The following CCDC116 variants were observed in gnomAD, a reference collection of about 807,000 sequenced individuals.
CCDC116 encodes the protein coiled-coil domain-containing protein 116.
CCDC116 carries 24 observed loss-of-function variants against 29.4 expected under a neutral mutation model. The observed-to-expected ratio is 0.82, with a 90% confidence interval of 0.59 to 1.15. The LOEUF (loss-of-function observed/expected upper bound fraction) is 1.15, where lower values mean the gene tolerates loss of function less well. Among genes scored for constraint, CCDC116 ranks in the 50% most tolerant of loss-of-function variants. The probability of loss-of-function intolerance (pLI) is 0.00; values close to 1 mark genes in which losing one functional copy is unlikely to be tolerated. For missense variants in CCDC116, 791 were observed against 804.0 expected (o/e 0.98, Z 0.20); for synonymous variants, 298 against 331.4 (o/e 0.90, Z 1.10).
In CCDC116 at chr22:21,634,853, G is replaced by A. The variant is rs35113423; in HGVS notation, c.790G>A (p.Glu264Lys). The change falls in exon 4 of 5, where the codon GAG becomes AAG. Residue 264 changes from glutamate (E) to lysine (K), a missense_variant. Transcript: ENST00000292779. ...EASEPRPGEQEPIFRKREFNK... is the reference protein window; with the variant it reads ...EASEPRPGEQKPIFRKREFNK... Reference sequence around the variant, plus strand: ...ATCAGAGCCGAGGCCTGGAGAACAGGAGCCAATCTTCCGCAAGCGAGAGTT... The same window carrying A: ...ATCAGAGCCGAGGCCTGGAGAACAGAAGCCAATCTTCCGCAAGCGAGAGTT... The A allele has an allele frequency of 0.027, 43,383 of 1,613,988 alleles. 1,224 individuals are homozygous for A. Among genetic ancestry groups the A allele is most frequent in the East Asian group, 0.097 (4,366 of 44,848 alleles).
Position 21,637,080 on chromosome 22 carries a change from G to C in CCDC116, c.*10G>C, listed in dbSNP as rs751835624. 1 of 1,593,750 alleles carries C rather than the reference G, an allele frequency of 6.3e-7. No homozygotes were observed. Among genetic ancestry groups the C allele is most frequent in the Non-Finnish European group, 8.6e-7 (1 of 1,168,488 alleles). On this transcript the variant is annotated 3_prime_UTR_variant, in exon 5 of 5. Transcript: ENST00000292779. ...TGAGGATGGAGTCTAGAGCCTCCCA[G>C]AGCCTGGAGAGGAGGCCTCGGTCAG...
rs1930723200 is a variant in CCDC116 at position 21,634,943 on chromosome 22, CT to C, written c.881del (p.Leu294ProfsTer8). The C allele has an allele frequency of 2.5e-6, 4 of 1,613,626 alleles. No homozygotes were observed. The highest frequency in any genetic ancestry group is 3.4e-6 in the Non-Finnish European group (4 of 1,180,040). On this transcript the variant is annotated frameshift_variant, in exon 4 of 5. Coordinates refer to ENST00000292779, the MANE Select transcript of CCDC116 (RefSeq NM_152612.3). LOFTEE classifies it high-confidence loss of function. ...ESLDLPGYCP[L>X]REPHRTLNFL... ...CCTCGACCTGCCTGGCTACTGTCCG[CT>C]CCGTGAGCCCCATCGCACGCTGAAC...
Position 21,633,202 on chromosome 22 carries a change from C to A in CCDC116, c.21C>A (p.His7Gln), listed in dbSNP as rs1282087177. MARCRH[H>Q]SGYLADDEAS... ...ACCACATGGCCAGGTGCCGCCACCA[C>A]TCGGGTTACCTGGCCGATGACGAGG... Residue 7 changes from histidine to glutamine, a missense_variant, in exon 2 of 5, where the codon CAC becomes CAA. Coordinates refer to ENST00000292779, the MANE Select transcript of CCDC116 (RefSeq NM_152612.3). 1.3e-6 allele frequency: 2 copies of A among 1,550,630 alleles called. No individual in the cohort carries two copies. Among genetic ancestry groups the A allele is most frequent in the Admixed American group, 3.9e-5 (2 of 51,004 alleles).
intron 4 of CCDC116, among the ~76,000 whole-genome samples, chr22:21,636,030 T>C (rs1245461351): frequency 6.6e-6 from 1 of 152,188 alleles, no homozygotes; most frequent in Non-Finnish European, 1.5e-5. Flanking sequence ...CTGGTGGGTC[T>C]CCAGCACGGT....
At position 21,635,278 on chromosome 22, in the gene CCDC116, G is replaced by A. The variant is rs779985488; in HGVS notation, c.1203+12G>A. On this transcript the variant is annotated intron_variant, in intron 4 of 4. Coordinates refer to ENST00000292779, the MANE Select transcript of CCDC116 (RefSeq NM_152612.3). The stretch of plus-strand genomic sequence containing the variant: ...GATTCAAACTCAAGGTGACACCCAC[G>A]GAGAAGCCCAATGTCCCCAGCCCCT... 28 of 1,592,178 alleles carry A rather than the reference G, an allele frequency of 1.8e-5. No individual in the cohort carries two copies. The highest frequency in any genetic ancestry group is 1.5e-4 in the South Asian group (14 of 90,520).
At chr22:21,633,387 C>T in intron 2 of CCDC116, 134 bp downstream of exon 2, 1 of 664,870 alleles carries the variant, frequency 1.5e-6, no homozygotes, top group Non-Finnish European at 2.5e-6. Context: ...TCCTTATTGC[C>T]TTGACTTCTC....
In CCDC116 at chr22:21,633,273, C is replaced by T. The variant is rs73382316; in HGVS notation, c.72+20C>T. ...GCACGGGTAAGTGTGCCCAGCAGGGCGCCGACCCTTGAGGCCACAACATGT... is the reference window on the plus strand; with the variant it reads ...GCACGGGTAAGTGTGCCCAGCAGGGTGCCGACCCTTGAGGCCACAACATGT... On this transcript the variant is annotated intron_variant, in intron 2 of 4. Coordinates refer to ENST00000292779, the MANE Select transcript of CCDC116 (RefSeq NM_152612.3). The T allele has an allele frequency of 6.2e-4, 950 of 1,532,496 alleles. 8 individuals carry two copies. The African/African-American group carries it at 0.011, about 18-fold the overall frequency. 94.9% of individuals were successfully genotyped at this position (1,532,496 alleles called of 1,614,324 possible).
intron 4 of CCDC116, 192 bp downstream of exon 4, chr22:21,635,458 C>T (rs1267453860): frequency 1.4e-6 from 1 of 708,142 alleles, no homozygotes; most frequent in South Asian, 1.5e-5. Context: ...GCAGCCAGGG[C>T]CACCTCAGGG....
rs1274155116 is a variant in CCDC116 at position 21,634,715 on chromosome 22, G to A, written c.652G>A (p.Asp218Asn). 1 of 1,610,534 alleles carries A rather than the reference G, an allele frequency of 6.2e-7. No homozygotes were observed. Among genetic ancestry groups the A allele is most frequent in the Admixed American group, 1.7e-5 (1 of 59,878 alleles). ...KGLSQSCSQR[D>N]SLLWDSLGSQ... ...CCTCAGTCAGTCCTGCTCCCAGAGG[G>A]ACTCCCTGCTGTGGGATTCGCTGGG... The change falls in exon 4 of 5, where the codon GAC (aspartate) becomes AAC (asparagine). Residue 218 changes from aspartate (D) to asparagine (N), a missense_variant. Asp to Asn is a conservative substitution (Grantham distance 23). Coordinates refer to ENST00000292779, the MANE Select transcript of CCDC116 (RefSeq NM_152612.3).
At position 21,637,190 on chromosome 22, in the gene CCDC116, A is replaced by G; in HGVS notation, c.*120A>G. On this transcript the variant is annotated 3_prime_UTR_variant, in exon 5 of 5. Transcript: ENST00000292779. ...CCCTGCTCTGTCAGAGTTGCTGCAC[A>G]TCACACCAGCCCCTGCCAAGAGCAG... 3 of 1,410,674 alleles carry G rather than the reference A, an allele frequency of 2.1e-6. No homozygotes were observed. Among genetic ancestry groups the G allele is most frequent in the Non-Finnish European group, 2.8e-6 (3 of 1,071,060 alleles). 87.4% of individuals were successfully genotyped at this position (1,410,674 alleles called of 1,614,324 possible). A position where few individuals can be genotyped will look rare whatever the true frequency, so the allele number is the denominator to read the frequency against.
chr22:21,634,363 A>G lies in CCDC116; in HGVS notation c.414A>G (p.Val138=), dbSNP rs1930687193. 1.2e-6 allele frequency: 2 copies of G among 1,613,280 alleles called. No homozygotes were observed. The highest frequency in any genetic ancestry group is 1.7e-4 in the Middle Eastern group (1 of 6,058). Residue 138 remains valine, a synonymous_variant, in exon 3 of 5, where the codon GTA becomes GTG. Coordinates refer to ENST00000292779, the MANE Select transcript of CCDC116 (RefSeq NM_152612.3). ...PSLSTVHRHR[V]RPTLCTGHPN... ...TCAGCACCGTACACCGGCACCGTGT[A>G]CGGCCGACCCTCTGCACTGGACACC...
intron 4 of CCDC116, 89 bp from the exon 5 acceptor site, chr22:21,636,343 G>C: frequency 8.0e-7 from 1 of 1,250,168 alleles, no homozygotes. Flanking sequence ...AGGGCTCTGA[G>C]GAGGGCACAG....
In CCDC116 at chr22:21,634,451, T is replaced by G. The variant is rs769375741; in HGVS notation, c.502T>G (p.Cys168Gly). 6.2e-6 allele frequency: 10 copies of G among 1,614,074 alleles called. No homozygotes were observed. The African/African-American group carries it at 9.3e-5, about 15-fold the overall frequency. The change falls in exon 3 of 5, where the codon TGT (cysteine) becomes GGT (glycine). Residue 168 changes from cysteine to glycine, a missense_variant. Physicochemically the swap from Cys to Gly is radical, Grantham distance 159. Transcript: ENST00000292779. ...CTGCCATAGCAGCCTCATGGCCGGCTGTCTGGGCTCCCACAGCCGGGACAG... is the reference window on the plus strand; with the variant it reads ...CTGCCATAGCAGCCTCATGGCCGGCGGTCTGGGCTCCCACAGCCGGGACAG... The part of the protein sequence containing the change: ...SNCHSSLMAG[C>G]LGSHSRDSDL...
At position 21,634,279 on chromosome 22, in the gene CCDC116, G is replaced by T. The variant is rs1930679820; in HGVS notation, c.330G>T (p.Glu110Asp). The change falls in exon 3 of 5, where the codon GAG becomes GAT. Residue 110 changes from glutamate (E) to aspartate (D), a missense_variant. Transcript: ENST00000292779. The part of the protein sequence containing the change: ...MKTEAGVPLV[E>D]VQDPVEVPSG... Reference sequence around the variant, plus strand: ...CGGAGGCTGGGGTGCCGCTTGTGGAGGTGCAGGACCCAGTGGAGGTGCCAA... The same window carrying T: ...CGGAGGCTGGGGTGCCGCTTGTGGATGTGCAGGACCCAGTGGAGGTGCCAA... The T allele has an allele frequency of 1.9e-6, 3 of 1,613,806 alleles. No individual in the cohort carries two copies. Among genetic ancestry groups the T allele is most frequent in the East Asian group, 2.2e-5 (1 of 44,884 alleles).
At chr22:21,633,052 G>T (rs775709983) in intron 1 of CCDC116, 68 bp from the exon 2 acceptor site, 4 of 770,210 alleles carry the variant, frequency 5.2e-6, no homozygotes, top group African/African-American at 3.4e-5. Flanking sequence ...CGAGGGACCC[G>T]CAGACTCCAG....
At position 21,635,894 on chromosome 22, in the gene CCDC116, G is replaced by C. The variant is rs529825549; in HGVS notation, c.1204-538G>C. 70 of 467,656 alleles carry C rather than the reference G, an allele frequency of 1.5e-4. No homozygotes were observed. The Admixed American group carries it at 1.8e-3, about 12-fold the overall frequency. 29.0% of individuals were successfully genotyped at this position (467,656 alleles called of 1,614,324 possible). On this transcript the variant is annotated intron_variant, in intron 4 of 4. Coordinates refer to ENST00000292779, the MANE Select transcript of CCDC116 (RefSeq NM_152612.3). ...TGTGGACAGCAGCCCAAGCCCAGCC[G>C]GGGCCTTGCCTCCTAGGTCTAGCTC...
At position 21,634,086 on chromosome 22, in the gene CCDC116, C is replaced by G; in HGVS notation, c.137C>G (p.Pro46Arg). ...MRPACKPGRVPHPPSTCGSSA... is the reference protein window; with the variant it reads ...MRPACKPGRVRHPPSTCGSSA... ...CCAGCCTGCAAGCCGGGCCGTGTGC[C>G]ACACCCACCATCCACATGTGGCAGC... is the stretch of plus-strand genomic sequence containing the variant. Residue 46 changes from proline to arginine, a missense_variant, in exon 3 of 5, where the codon CCA becomes CGA. Transcript: ENST00000292779. The G allele has an allele frequency of 3.7e-6, 6 of 1,614,172 alleles. No homozygotes were observed. Among genetic ancestry groups the G allele is most frequent in the Non-Finnish European group, 5.1e-6 (6 of 1,180,014 alleles).
intron 1 of CCDC116, 124 bp downstream of exon 1, chr22:21,632,951 C>T (rs1269123453): frequency 1.2e-5 from 8 of 689,382 alleles, no homozygotes; most frequent in East Asian, 5.5e-5. Context: ...GATTCCACCC[C>T]GATGACTCTG....
rs977412621 is a variant in CCDC116 at position 21,634,109 on chromosome 22, A to C, written c.160A>C (p.Ser54Arg). The part of the protein sequence containing the change: ...RVPHPPSTCG[S>R]SALQGQRRNK... ...GCCACACCCACCATCCACATGTGGC[A>C]GCTCAGCACTCCAGGGCCAACGCCG... Residue 54 changes from serine (S) to arginine (R), a missense_variant, in exon 3 of 5, where the codon AGC (serine) becomes CGC (arginine). Ser to Arg is a moderately radical substitution (Grantham distance 110). Transcript: ENST00000292779. 2 of 1,614,250 alleles carry C rather than the reference A, an allele frequency of 1.2e-6. No homozygotes were observed. The highest frequency in any genetic ancestry group is 4.5e-5 in the East Asian group (2 of 44,888).
Sources: gnomAD v4.1 joint callset for allele counts (sites outside exome capture counted in the v4.1 genomes callset) on GRCh38, gnomAD v4.1.1 for gene constraint, MANE v1.5 for transcripts, NCBI Gene and HGNC (gene_info 2026-07-23, HGNC 2026-07-21) for gene names.